Variants in SORCS3 observed in about 807,000 individuals in gnomAD.
SORCS3 encodes VPS10 domain-containing receptor SorCS3.
A neutral mutation model predicts 146.3 loss-of-function variants in SORCS3; 57 were observed. The observed-to-expected ratio is 0.39, with a 90% CI of 0.31 to 0.49. The LOEUF is 0.49. Among genes scored for constraint, SORCS3 ranks in the 20% least tolerant of loss-of-function variants. The pLI is 0.92. For missense variants in SORCS3, 1,341 were observed against 1,575.5 expected (o/e 0.85, Z 2.52); for synonymous variants, 653 against 618.5 (o/e 1.06, Z -0.83).
intron 2 of SORCS3, among the ~76,000 whole-genome samples, chr10:104,884,976 C>T (rs1024762782): frequency 2.6e-5 from 4 of 152,076 alleles, no homozygotes; most frequent in East Asian, 1.9e-4. Flanking sequence ...ATTTATTCTG[C>T]TTCTTTGAAG....
intron 2 of SORCS3, among the ~76,000 whole-genome samples, chr10:104,898,586 G>A (rs1419363204): frequency 6.6e-6 from 1 of 152,184 alleles, no homozygotes; most frequent in African/African-American, 2.4e-5. Context: ...TTCATCCTGG[G>A]CAAGAAACTA....
At chr10:104,984,669 T>C (rs1014382661) in intron 4 of SORCS3, among the ~76,000 whole-genome samples, 14 of 152,286 alleles carry the variant, frequency 9.2e-5, no homozygotes, top group African/African-American at 2.9e-4. Flanking sequence ...TGTAGCGACA[T>C]AGGTATATAT....
chr10:104,819,377 T>C (rs2017846696), intron 1 of SORCS3, among the ~76,000 whole-genome samples: 1 of 152,192 alleles, frequency 6.6e-6, no homozygotes, highest in Non-Finnish European at 1.5e-5. Flanking sequence ...TCTGTTTGTC[T>C]GTCTATAGGT....
chr10:105,003,380 CCTTGCT>C (rs1394022794), intron 4 of SORCS3, among the ~76,000 whole-genome samples: 6 of 152,022 alleles, frequency 3.9e-5, no homozygotes, highest in Non-Finnish European at 7.4e-5. Flanking sequence ...CAGCCCTTAG[CCTTGCT>C]CTTGCCTACC....
chr10:104,880,896 G>A (rs1038297112), intron 2 of SORCS3, among the ~76,000 whole-genome samples: 4 of 152,116 alleles, frequency 2.6e-5, no homozygotes, highest in South Asian at 2.1e-4. Flanking sequence ...CTTCAAAACT[G>A]TGTGTTTGTC....
intron 1 of SORCS3, among the ~76,000 whole-genome samples, chr10:104,671,531 G>T: frequency 6.7e-6 from 1 of 150,220 alleles, no homozygotes; most frequent in African/African-American, 2.4e-5. Context: ...CTTTTGTAGA[G>T]ATGAGGTCTT....
intron 1 of SORCS3, among the ~76,000 whole-genome samples, chr10:104,775,465 A>G (rs1045408980): frequency 3.9e-5 from 6 of 152,182 alleles, no homozygotes; most frequent in Non-Finnish European, 7.3e-5. Context: ...AGGCACACAG[A>G]CACCCAGTGA....
intron 9 of SORCS3, among the ~76,000 whole-genome samples, chr10:105,156,447 C>T (rs964957231): frequency 2.0e-5 from 3 of 152,092 alleles, no homozygotes; most frequent in Non-Finnish European, 4.4e-5. Flanking sequence ...GCTCTTTTCC[C>T]GTCAAAATAT....
At chr10:104,870,882 T>G (rs1454948716) in intron 2 of SORCS3, among the ~76,000 whole-genome samples, 2 of 152,212 alleles carry the variant, frequency 1.3e-5, no homozygotes, top group Admixed American at 6.5e-5. Context: ...CTGACTAGGT[T>G]GTCAACCATT....
At chr10:104,886,596 A>C (rs1478226885) in intron 2 of SORCS3, among the ~76,000 whole-genome samples, 2 of 151,612 alleles carry the variant, frequency 1.3e-5, no homozygotes, top group African/African-American at 4.9e-5. Flanking sequence ...CTATCTATCT[A>C]TCTATCTATC....
At chr10:105,184,138 G>A in intron 14 of SORCS3, among the ~76,000 whole-genome samples, 1 of 152,194 alleles carries the variant, frequency 6.6e-6, no homozygotes, top group Non-Finnish European at 1.5e-5. Context: ...AGCAGGGGTT[G>A]GCAGACTCCT....
intron 13 of SORCS3, among the ~76,000 whole-genome samples, chr10:105,175,461 G>T (rs76781511): frequency 6.6e-6 from 1 of 152,010 alleles, no homozygotes; most frequent in Non-Finnish European, 1.5e-5. Flanking sequence ...ACCCAAAGTC[G>T]CCAAAACAAA....
chr10:105,003,283 C>T (rs1475926859), intron 4 of SORCS3, among the ~76,000 whole-genome samples: 1 of 152,080 alleles, frequency 6.6e-6, no homozygotes, highest in African/African-American at 2.4e-5. Context: ...TTATTCTGTT[C>T]AGGAGTCTAG....
At chr10:105,233,418 T>G (rs1324921209) in intron 20 of SORCS3, among the ~76,000 whole-genome samples, 2 of 152,188 alleles carry the variant, frequency 1.3e-5, no homozygotes, top group African/African-American at 4.8e-5. Context: ...TTTCTTTTTT[T>G]AATTATACTT....
intron 14 of SORCS3, among the ~76,000 whole-genome samples, chr10:105,196,884 G>A (rs1589683682): frequency 6.6e-6 from 1 of 152,224 alleles, no homozygotes; most frequent in East Asian, 1.9e-4. Flanking sequence ...TGTAGTTCTG[G>A]AGTTTAGAGT....
At chr10:104,971,782 G>T (rs1160655105) in intron 3 of SORCS3, among the ~76,000 whole-genome samples, 2 of 152,114 alleles carry the variant, frequency 1.3e-5, no homozygotes, top group Non-Finnish European at 2.9e-5. Flanking sequence ...ACAGTTAAGG[G>T]ATAATAAGAG....
At chr10:105,167,045 G>A (rs543963548) in intron 12 of SORCS3, among the ~76,000 whole-genome samples, 8 of 152,270 alleles carry the variant, frequency 5.3e-5, no homozygotes, top group African/African-American at 1.9e-4. Context: ...CCCTGGAAAT[G>A]CAATTTGAGT....
chr10:105,242,555 TAC>T (rs1188794962), intron 20 of SORCS3, among the ~76,000 whole-genome samples: 1 of 83,946 alleles, frequency 1.2e-5, no homozygotes, highest in Non-Finnish European at 2.0e-5. Flanking sequence ...TATATTTATA[TAC>T]ATTTATATAT....
intron 14 of SORCS3, among the ~76,000 whole-genome samples, chr10:105,184,669 T>C (rs892121849): frequency 2.0e-5 from 3 of 152,212 alleles, no homozygotes; most frequent in African/African-American, 7.2e-5. Context: ...ATAATTGATA[T>C]ATACAAAATT....
Sources: allele counts gnomAD v4.1 joint callset (sites outside exome capture counted in the v4.1 genomes callset), GRCh38; gene constraint gnomAD v4.1.1; transcripts MANE v1.5; gene names NCBI Gene and HGNC (gene_info 2026-07-23, HGNC 2026-07-21).